SLC5A4: variants seen among roughly 807,000 people sequenced by gnomAD.
SLC5A4 encodes solute carrier family 5 member 4.
A neutral mutation model predicts 70.3 loss-of-function variants in SLC5A4; 55 were observed. The ratio of observed to expected loss-of-function variants is 0.78; its 90% CI spans 0.63 to 0.98. SLC5A4 has a LOEUF of 0.98. SLC5A4 is among the 50% of genes least tolerant of loss of function. The pLI is 0.00. For missense variants in SLC5A4, 735 were observed against 839.2 expected (o/e 0.88, Z 1.53); for synonymous variants, 268 against 305.7 (o/e 0.88, Z 1.29).
intron 1 of SLC5A4, among the ~76,000 whole-genome samples, chr22:32,254,765 C>A (rs953273391): frequency 6.6e-6 from 1 of 151,282 alleles, no homozygotes; most frequent in Non-Finnish European, 1.5e-5. Context: ...GCAAGCGCCA[C>A]TGCACTCCAG....
At chr22:32,278,753 A>G in the SLC5A4 span, among the ~76,000 whole-genome samples, 1 of 152,226 alleles carries the variant, frequency 6.6e-6, no homozygotes, top group African/African-American at 2.4e-5. Context: ...AATCAATCAG[A>G]ATTTTCTACA....
chr22:32,223,467 C>T (rs931967820), intron 13 of SLC5A4, among the ~76,000 whole-genome samples: 3 of 152,148 alleles, frequency 2.0e-5, no homozygotes, highest in African/African-American at 7.2e-5. Context: ...AAATATTATT[C>T]ATATTAAACA....
chr22:32,246,019 C>T (rs1012675492), intron 5 of SLC5A4, among the ~76,000 whole-genome samples: 3 of 152,224 alleles, frequency 2.0e-5, no homozygotes, highest in African/African-American at 7.2e-5. Context: ...ACCCCCAATG[C>T]CATCCATCAG....
At chr22:32,309,068 T>TC in the SLC5A4 span, among the ~76,000 whole-genome samples, 1 of 152,148 alleles carries the variant, frequency 6.6e-6, no homozygotes, top group Non-Finnish European at 1.5e-5. Flanking sequence ...ATGGTTATGG[T>TC]CAGCTGCTGG....
upstream of SLC5A4, among the ~76,000 whole-genome samples, chr22:32,259,635 G>C (rs2145716569): frequency 6.6e-6 from 1 of 152,228 alleles, no homozygotes; most frequent in African/African-American, 2.4e-5. Flanking sequence ...TATTGATAAA[G>C]GACACTGCTG....
chr22:32,263,151 C>T, the SLC5A4 span, among the ~76,000 whole-genome samples: 1 of 151,458 alleles, frequency 6.6e-6, no homozygotes, highest in Non-Finnish European at 1.5e-5. Context: ...AAGCATACAC[C>T]ACCATGCCTG....
chr22:32,297,950 G>T, the SLC5A4 span, among the ~76,000 whole-genome samples: 1 of 104,792 alleles, frequency 9.5e-6, no homozygotes, highest in African/African-American at 3.6e-5. Flanking sequence ...CAGTTTCCAT[G>T]TAGTTGAGCG....
intron 12 of SLC5A4, among the ~76,000 whole-genome samples, chr22:32,224,741 C>T (rs771696679): frequency 5.8e-4 from 88 of 152,170 alleles, no homozygotes; most frequent in Admixed American, 5.9e-4. Context: ...TCTACACTGA[C>T]CCAAGCTGAA....
chr22:32,333,880 TACACAC>T, the SLC5A4 span, among the ~76,000 whole-genome samples: 4 of 142,666 alleles, frequency 2.8e-5, no homozygotes, highest in East Asian at 6.2e-4. Context: ...ACAATACACA[TACACAC>T]ACACCCCATG....
chr22:32,283,443 C>A, the SLC5A4 span, among the ~76,000 whole-genome samples: 4 of 152,234 alleles, frequency 2.6e-5, no homozygotes, highest in Non-Finnish European at 4.4e-5. Flanking sequence ...TGAATTTGCA[C>A]CATTAACATT....
chr22:32,348,739 C>A, the SLC5A4 span, among the ~76,000 whole-genome samples: 4 of 152,014 alleles, frequency 2.6e-5, no homozygotes, highest in African/African-American at 9.7e-5. Flanking sequence ...GATCAATGTT[C>A]CAAAAAACCC....
the SLC5A4 span, among the ~76,000 whole-genome samples, chr22:32,291,260 C>T: frequency 6.7e-6 from 1 of 149,548 alleles, no homozygotes; most frequent in Non-Finnish European, 1.5e-5. Flanking sequence ...CTGCCACCCT[C>T]CGCCTCCCGG....
At chr22:32,226,798 C>G (rs1925423789) in intron 11 of SLC5A4, among the ~76,000 whole-genome samples, 2 of 152,248 alleles carry the variant, frequency 1.3e-5, no homozygotes, top group Non-Finnish European at 2.9e-5. Context: ...CCTGGATGAC[C>G]TCGCCTCCAG....
chr22:32,272,443 A>G, the SLC5A4 span: 1 of 841,120 alleles, frequency 1.2e-6, no homozygotes, highest in Non-Finnish European at 2.0e-6. Flanking sequence ...CATCCACCAG[A>G]TGATCAGCGT....
chr22:32,285,957 C>T, the SLC5A4 span, among the ~76,000 whole-genome samples: 13 of 152,168 alleles, frequency 8.5e-5, no homozygotes, highest in Admixed American at 2.6e-4. Flanking sequence ...AGGATGGTTT[C>T]GATATCCTGA....
chr22:32,315,434 AAAT>A, the SLC5A4 span, among the ~76,000 whole-genome samples: 1 of 152,196 alleles, frequency 6.6e-6, no homozygotes, highest in Admixed American at 6.5e-5. Context: ...GGTAAACAAA[AAAT>A]AATCAACTAA....
the SLC5A4 span, among the ~76,000 whole-genome samples, chr22:32,298,562 T>C: frequency 0.018 from 1,335 of 74,288 alleles, 2 homozygotes; most frequent in East Asian, 0.032. Flanking sequence ...GCACGTGAGA[T>C]GGGTTTCCTG....
At chr22:32,262,778 A>AT in the SLC5A4 span, among the ~76,000 whole-genome samples, 8 of 150,754 alleles carry the variant, frequency 5.3e-5, no homozygotes, top group South Asian at 2.1e-4. Flanking sequence ...TTTTATTTTT[A>AT]TTTTTTTTTG....
intron 14 of SLC5A4, among the ~76,000 whole-genome samples, chr22:32,219,288 A>G (rs1177285403): frequency 1.3e-5 from 2 of 152,202 alleles, no homozygotes; most frequent in African/African-American, 2.4e-5. Flanking sequence ...AAAATCATAT[A>G]GGCATGAACC....
Sources: gnomAD v4.1 joint callset for allele counts (sites outside exome capture counted in the v4.1 genomes callset) on GRCh38, gnomAD v4.1.1 for gene constraint, MANE v1.5 for transcripts, NCBI Gene and HGNC (gene_info 2026-07-23, HGNC 2026-07-21) for gene names.